The following FOXP1 variants were observed in gnomAD, a reference collection of about 807,000 sequenced individuals.
FOXP1 encodes forkhead box P1, also known as forkhead box protein P1.
Under a neutral mutation model 98.2 loss-of-function variants are expected in FOXP1, and 15 were observed. The ratio of observed to expected loss-of-function variants is 0.15; its 90% CI spans 0.10 to 0.24. The LOEUF is 0.24. Among genes scored for constraint, FOXP1 ranks in the 10% least tolerant of loss-of-function variants. FOXP1 has a pLI of 1.00. For synonymous variants in FOXP1, 371 were observed against 314.5 expected (o/e 1.18, Z -1.90); for missense variants, 633 against 848.5 (o/e 0.75, Z 3.15).
chr3:71,199,525 G>A (rs1039673321), intron 5 of FOXP1, among the ~76,000 whole-genome samples: 7 of 149,816 alleles, frequency 4.7e-5, no homozygotes, highest in South Asian at 4.5e-4. Context: ...TCAGGAGTTC[G>A]AGACCAGTCT....
At chr3:71,277,139 T>C (rs1028885055) in intron 5 of FOXP1, among the ~76,000 whole-genome samples, 1 of 151,800 alleles carries the variant, frequency 6.6e-6, no homozygotes. Context: ...TTTGTATTTT[T>C]AGTAGAGATG....
chr3:70,987,574 T>C (rs980076569), intron 14 of FOXP1, among the ~76,000 whole-genome samples: 1 of 152,220 alleles, frequency 6.6e-6, no homozygotes, highest in African/African-American at 2.4e-5. Flanking sequence ...CCCTGCTCTT[T>C]TTCCTACACA....
chr3:71,496,465 T>C (rs2091415915), intron 2 of FOXP1, among the ~76,000 whole-genome samples: 1 of 151,368 alleles, frequency 6.6e-6, no homozygotes, highest in Non-Finnish European at 1.5e-5. Context: ...CCTGTGGGAG[T>C]TTCGTTTTCA....
chr3:71,573,332 AGAGTCC>A (rs2047478644), intron 2 of FOXP1, among the ~76,000 whole-genome samples: 1 of 152,102 alleles, frequency 6.6e-6, no homozygotes, highest in African/African-American at 2.4e-5. Flanking sequence ...CGCCAGGTGG[AGAGTCC>A]CTCCGTCCCC....
intron 18 of FOXP1, chr3:70,972,326 A>T: frequency 2.2e-6 from 2 of 889,044 alleles, no homozygotes; most frequent in Non-Finnish European, 3.4e-6. Context: ...GTTAATATGC[A>T]TTGCCACCTA....
intron 3 of FOXP1, among the ~76,000 whole-genome samples, chr3:71,423,521 C>G (rs949713860): frequency 6.6e-5 from 10 of 152,208 alleles, no homozygotes; most frequent in Admixed American, 3.9e-4. Context: ...GGGATTAGAC[C>G]AGCTTCTCCT....
intron 7 of FOXP1, among the ~76,000 whole-genome samples, chr3:71,083,106 T>C (rs1389271175): frequency 6.6e-6 from 1 of 152,162 alleles, no homozygotes; most frequent in Non-Finnish European, 1.5e-5. Flanking sequence ...CCAAATCTTG[T>C]GTTGAACTGT....
chr3:71,064,912 G>A (rs2052193511), intron 7 of FOXP1: 1 of 600,322 alleles, frequency 1.7e-6, no homozygotes. Flanking sequence ...GCCTCGGCGT[G>A]CAGGCGGACT....
intron 2 of FOXP1, among the ~76,000 whole-genome samples, chr3:71,520,803 A>T (rs369204187): frequency 6.6e-6 from 1 of 152,236 alleles, no homozygotes; most frequent in East Asian, 1.9e-4. Flanking sequence ...TTTTTTCTCC[A>T]AAGTAACTCA....
At chr3:71,269,366 A>G (rs2070096045) in intron 5 of FOXP1, among the ~76,000 whole-genome samples, 1 of 152,202 alleles carries the variant, frequency 6.6e-6, no homozygotes, top group Admixed American at 6.5e-5. Context: ...CTGCAAAACT[A>G]AACTTAATGT....
At chr3:71,555,959 GA>G (rs1015876208) in intron 2 of FOXP1, among the ~76,000 whole-genome samples, 6 of 151,188 alleles carry the variant, frequency 4.0e-5, no homozygotes, top group East Asian at 1.9e-4. Context: ...GGAAGAAAAG[GA>G]AAAAAAATTA....
intron 11 of FOXP1, among the ~76,000 whole-genome samples, chr3:71,038,418 G>A (rs1377198976): frequency 1.3e-5 from 2 of 152,164 alleles, no homozygotes; most frequent in African/African-American, 4.8e-5. Context: ...GAGCTTGGAA[G>A]GACACGTATT....
chr3:71,415,158 A>G (rs1173306236), intron 3 of FOXP1, among the ~76,000 whole-genome samples: 1 of 152,220 alleles, frequency 6.6e-6, no homozygotes, highest in Non-Finnish European at 1.5e-5. Context: ...TAAGTATGCA[A>G]TACCCCAACT....
intron 6 of FOXP1, chr3:71,197,760 C>A: frequency 1.0e-6 from 1 of 957,100 alleles, no homozygotes. Flanking sequence ...GTATTTATTT[C>A]AACTCTCCTT....
chr3:71,582,119 G>A (rs551936307), intron 1 of FOXP1: 19 of 983,860 alleles, frequency 1.9e-5, no homozygotes, highest in Middle Eastern at 1.0e-3. Flanking sequence ...ACACATGGGA[G>A]GGGGGCATGC....
intron 3 of FOXP1, among the ~76,000 whole-genome samples, chr3:71,404,347 G>A (rs1194559361): frequency 4.0e-5 from 6 of 151,638 alleles, no homozygotes; most frequent in African/African-American, 1.5e-4. Context: ...GGCTGGTCTC[G>A]AACTCCCCAC....
chr3:71,356,213 C>CAAAAAAAAAAAA (rs3064928), intron 4 of FOXP1, among the ~76,000 whole-genome samples: 2 of 75,350 alleles, frequency 2.7e-5, no homozygotes, highest in African/African-American at 4.5e-5. Flanking sequence ...CTGACTAAGT[C>CAAAAAAAAAAAA]AAAAAAAAAA....
intron 2 of FOXP1, among the ~76,000 whole-genome samples, chr3:71,522,866 C>T (rs1166523224): frequency 1.3e-5 from 2 of 152,202 alleles, no homozygotes; most frequent in African/African-American, 2.4e-5. Flanking sequence ...GTTTTCCTTT[C>T]AAATTCCCAC....
chr3:71,151,130 T>G (rs114272480), intron 6 of FOXP1, among the ~76,000 whole-genome samples: 2,821 of 152,284 alleles, frequency 0.019, 88 homozygotes, highest in African/African-American at 0.061. Flanking sequence ...AGCCAGTTAT[T>G]TAACTCATCT....
Sources: allele counts gnomAD v4.1 joint callset (sites outside exome capture counted in the v4.1 genomes callset), GRCh38; gene constraint gnomAD v4.1.1; transcripts MANE v1.5; gene names NCBI Gene and HGNC (gene_info 2026-07-23, HGNC 2026-07-21).